RPS6KC1: variants seen among roughly 807,000 people sequenced by gnomAD.
RPS6KC1 encodes ribosomal protein S6 kinase C1, also known as inactive ribosomal protein S6 kinase delta-1.
Under a neutral mutation model 103.8 loss-of-function variants are expected in RPS6KC1, and 54 were observed. The ratio of observed to expected loss-of-function variants is 0.52; its 90% CI spans 0.42 to 0.65. The LOEUF is 0.65. RPS6KC1 is among the 30% of genes least tolerant of loss of function. The probability of loss-of-function intolerance (pLI) is 0.00; values close to 1 mark genes in which losing one functional copy is unlikely to be tolerated. For missense variants in RPS6KC1, 1,151 were observed against 1,253.8 expected (o/e 0.92, Z 1.24); for synonymous variants, 439 against 438.7 (o/e 1.00, Z -0.01).
At chr1:213,558,238 T>A in the RPS6KC1 span, among the ~76,000 whole-genome samples, 1 of 152,238 alleles carries the variant, frequency 6.6e-6, no homozygotes, top group Admixed American at 6.5e-5. Context: ...TGTTTTTTAA[T>A]TAAAGAAATT....
chr1:213,213,778 T>C (rs756601490), intron 8 of RPS6KC1, among the ~76,000 whole-genome samples: 12 of 152,238 alleles, frequency 7.9e-5, no homozygotes, highest in Non-Finnish European at 1.8e-4. Context: ...CTTTTTCTAA[T>C]ATTATTCATA....
At chr1:213,255,776 T>C (rs999233715) in intron 12 of RPS6KC1, among the ~76,000 whole-genome samples, 8 of 152,258 alleles carry the variant, frequency 5.3e-5, no homozygotes, top group African/African-American at 1.9e-4. Context: ...AAAGAAATTC[T>C]ACAACTGCTT....
At chr1:213,287,584 G>A in the RPS6KC1 span, among the ~76,000 whole-genome samples, 2 of 151,492 alleles carry the variant, frequency 1.3e-5, no homozygotes, top group South Asian at 2.1e-4. Flanking sequence ...ATTTTTTTTT[G>A]TTATTGTTTT....
the RPS6KC1 span, among the ~76,000 whole-genome samples, chr1:213,367,811 G>T: frequency 6.6e-6 from 1 of 152,178 alleles, no homozygotes; most frequent in East Asian, 1.9e-4. Context: ...CTTAAGGAGG[G>T]TAGATAAGAA....
chr1:213,515,670 T>G, the RPS6KC1 span, among the ~76,000 whole-genome samples: 2 of 152,184 alleles, frequency 1.3e-5, no homozygotes, highest in East Asian at 3.8e-4. Context: ...GTGTGATGCC[T>G]CCAGCTTTGT....
the RPS6KC1 span, among the ~76,000 whole-genome samples, chr1:213,670,002 G>A: frequency 6.6e-6 from 1 of 152,160 alleles, no homozygotes; most frequent in African/African-American, 2.4e-5. Context: ...GGAGTCTAAT[G>A]TTGTGTTATT....
At chr1:213,301,969 C>G in the RPS6KC1 span, among the ~76,000 whole-genome samples, 4 of 152,240 alleles carry the variant, frequency 2.6e-5, no homozygotes, top group African/African-American at 9.6e-5. Context: ...CTCCTGGCCT[C>G]AAGTGATCTG....
chr1:213,690,728 C>G, the RPS6KC1 span, among the ~76,000 whole-genome samples: 1 of 152,178 alleles, frequency 6.6e-6, no homozygotes, highest in South Asian at 2.1e-4. Context: ...CCTCAGTTTT[C>G]TCAGCTGGGA....
the RPS6KC1 span, among the ~76,000 whole-genome samples, chr1:213,643,467 T>C: frequency 6.6e-6 from 1 of 151,942 alleles, no homozygotes; most frequent in African/African-American, 2.4e-5. Flanking sequence ...GGGAATGCTG[T>C]TGATTTTTTT....
At chr1:213,701,359 T>G in the RPS6KC1 span, among the ~76,000 whole-genome samples, 2 of 152,242 alleles carry the variant, frequency 1.3e-5, no homozygotes, top group Admixed American at 1.3e-4. Flanking sequence ...TCACATTGAT[T>G]GATTTGCATA....
chr1:213,859,087 G>A, the RPS6KC1 span, among the ~76,000 whole-genome samples: 3 of 152,194 alleles, frequency 2.0e-5, no homozygotes, highest in Admixed American at 6.5e-5. Flanking sequence ...ACCAAGGCAT[G>A]CATCATTTGA....
downstream of RPS6KC1, among the ~76,000 whole-genome samples, chr1:213,278,961 C>CA (rs1285381967): frequency 6.6e-6 from 1 of 151,598 alleles, no homozygotes; most frequent in African/African-American, 2.4e-5. Context: ...TGTATAAAGG[C>CA]ATGGAGATGG....
the RPS6KC1 span, among the ~76,000 whole-genome samples, chr1:213,376,571 T>C: frequency 6.6e-6 from 1 of 152,154 alleles, no homozygotes; most frequent in African/African-American, 2.4e-5. Context: ...TATTTCAAAA[T>C]TGATGCAAAC....
chr1:213,086,900 A>G (rs1465097381), intron 3 of RPS6KC1, among the ~76,000 whole-genome samples: 3 of 152,100 alleles, frequency 2.0e-5, no homozygotes, highest in African/African-American at 7.2e-5. Context: ...AGTGAAACAA[A>G]ATTTTATATG....
intron 5 of RPS6KC1, among the ~76,000 whole-genome samples, chr1:213,119,983 C>G (rs2084202049): frequency 6.6e-6 from 1 of 152,136 alleles, no homozygotes; most frequent in African/African-American, 2.4e-5. Flanking sequence ...CTCAGGCAAA[C>G]TGAGCTGTAA....
At chr1:213,285,546 G>A in the RPS6KC1 span, among the ~76,000 whole-genome samples, 1 of 152,204 alleles carries the variant, frequency 6.6e-6, no homozygotes, top group East Asian at 1.9e-4. Flanking sequence ...ACAGCACAGT[G>A]TGTAATGGCT....
chr1:213,781,064 A>G, the RPS6KC1 span, among the ~76,000 whole-genome samples: 1 of 152,156 alleles, frequency 6.6e-6, no homozygotes. Flanking sequence ...AATAATCTCA[A>G]TCTAGATTGA....
the RPS6KC1 span, among the ~76,000 whole-genome samples, chr1:213,754,264 A>G: frequency 6.6e-6 from 1 of 152,238 alleles, no homozygotes; most frequent in South Asian, 2.1e-4. Flanking sequence ...CTCACAGGGC[A>G]GCAAGAGCAA....
chr1:213,297,499 A>G, the RPS6KC1 span, among the ~76,000 whole-genome samples: 3 of 152,340 alleles, frequency 2.0e-5, no homozygotes, highest in Admixed American at 2.0e-4. Context: ...GGATAAAGTC[A>G]ATGCAAAGGA....
Sources: allele counts gnomAD v4.1 joint callset (sites outside exome capture counted in the v4.1 genomes callset), GRCh38; gene constraint gnomAD v4.1.1; transcripts MANE v1.5; gene names NCBI Gene and HGNC (gene_info 2026-07-23, HGNC 2026-07-21).